The following ABTB2 variants were observed in gnomAD, a reference collection of about 807,000 sequenced individuals.
The protein encoded by ABTB2 is ankyrin repeat and BTB/POZ domain-containing protein 2.
A neutral mutation model predicts 104.1 loss-of-function variants in ABTB2; 56 were observed. The ratio of observed to expected loss-of-function variants is 0.54; its 90% CI spans 0.43 to 0.67. The LOEUF (loss-of-function observed/expected upper bound fraction) is 0.67, where lower values mean the gene tolerates loss of function less well. Ranked by LOEUF, ABTB2 falls within the 30% of genes least tolerant of loss-of-function variation. The pLI is 0.00. For synonymous variants in ABTB2, 606 were observed against 608.2 expected, an observed-to-expected ratio of 1.00 and a Z score of 0.05; for missense variants, 1,279 against 1,407.7, an observed-to-expected ratio of 0.91 and a Z score of 1.46.
intron 3 of ABTB2, among the ~76,000 whole-genome samples, chr11:34,177,819 C>T (rs1462799180): frequency 2.6e-5 from 4 of 152,100 alleles, no homozygotes; most frequent in Non-Finnish European, 4.4e-5. Context: ...CTGCCAACCT[C>T]GGCCCCCAAA....
intron 1 of ABTB2, among the ~76,000 whole-genome samples, chr11:34,300,662 G>A (rs1854692971): frequency 1.3e-5 from 2 of 151,950 alleles, no homozygotes. Context: ...CATAATCAGA[G>A]CTCATACATC....
At chr11:34,155,571 T>C (rs1010180406) in intron 14 of ABTB2, among the ~76,000 whole-genome samples, 1 of 152,244 alleles carries the variant, frequency 6.6e-6, no homozygotes, top group Non-Finnish European at 1.5e-5. Context: ...AGCTGGCAAG[T>C]GTGTAAGTAA....
intron 1 of ABTB2, among the ~76,000 whole-genome samples, chr11:34,224,695 G>A (rs994867875): frequency 6.6e-6 from 1 of 152,162 alleles, no homozygotes; most frequent in African/African-American, 2.4e-5. Context: ...CTCAAAGACT[G>A]AGGGCGAACA....
intron 1 of ABTB2, among the ~76,000 whole-genome samples, chr11:34,244,461 G>T (rs947442684): frequency 2.6e-5 from 4 of 152,156 alleles, no homozygotes; most frequent in Non-Finnish European, 1.5e-5. Context: ...ACAAAATGCA[G>T]GACAATAAAA....
Position 34,232,484 on chromosome 11 carries a change from A to G in ABTB2, c.884-27794T>C, listed in dbSNP as rs527615676. Among the ~76,000 whole-genome samples the G allele has an allele frequency of 1.4e-4, 21 of 151,124 alleles. No individual in the cohort carries two copies. The South Asian group carries it at 4.4e-3, about 32-fold the overall frequency. ...AAAAAAAATTGTTCTTAAATGAGACATTTAAATCCTAGAGAAAAGGAATAT... is the reference window on the plus strand; with the variant it reads ...AAAAAAAATTGTTCTTAAATGAGACGTTTAAATCCTAGAGAAAAGGAATAT... On this transcript the variant is annotated intron_variant, in intron 1 of 16. Transcript: ENST00000435224.
At chr11:34,316,670 G>A (rs1035989633) in intron 1 of ABTB2, among the ~76,000 whole-genome samples, 1 of 152,120 alleles carries the variant, frequency 6.6e-6, no homozygotes, top group Non-Finnish European at 1.5e-5. Context: ...GATAATCCAT[G>A]AGCCCCAGAA....
At chr11:34,338,962 T>C (rs1855228946) in intron 1 of ABTB2, among the ~76,000 whole-genome samples, 1 of 152,124 alleles carries the variant, frequency 6.6e-6, no homozygotes. Context: ...TCAGCAACAG[T>C]ATCTACCTCT....
chr11:34,214,064 C>CAGT (rs1025086533), intron 1 of ABTB2, among the ~76,000 whole-genome samples: 4 of 151,556 alleles, frequency 2.6e-5, no homozygotes, highest in African/African-American at 9.7e-5. Flanking sequence ...CCTTGACCCG[C>CAGT]AGTGGGTGAG....
chr11:34,310,143 G>A (rs1854832238), intron 1 of ABTB2, among the ~76,000 whole-genome samples: 1 of 152,168 alleles, frequency 6.6e-6, no homozygotes, highest in Non-Finnish European at 1.5e-5. Context: ...GGAGCTCAGG[G>A]AGGAAAGCAC....
At chr11:34,232,902 G>A (rs1365033228) in intron 1 of ABTB2, among the ~76,000 whole-genome samples, 1 of 152,076 alleles carries the variant, frequency 6.6e-6, no homozygotes, top group Non-Finnish European at 1.5e-5. Context: ...CAGGGCTGCA[G>A]TGAGCCATAA....
chr11:34,168,378 G>A (rs1852830705), intron 5 of ABTB2, among the ~76,000 whole-genome samples: 1 of 152,232 alleles, frequency 6.6e-6, no homozygotes, highest in Non-Finnish European at 1.5e-5. Context: ...GTAGAGTGTG[G>A]ATTAATATGT....
chr11:34,224,797 A>G (rs1853666909), intron 1 of ABTB2, among the ~76,000 whole-genome samples: 2 of 152,150 alleles, frequency 1.3e-5, no homozygotes, highest in South Asian at 4.1e-4. Context: ...TCTAATCACC[A>G]CTGAACTCTG....
At chr11:34,321,800 C>A (rs907032155) in intron 1 of ABTB2, among the ~76,000 whole-genome samples, 5 of 152,192 alleles carry the variant, frequency 3.3e-5, no homozygotes, top group Non-Finnish European at 5.9e-5. Context: ...GAAAAGAAAC[C>A]CTTCCAGAGA....
intron 1 of ABTB2, among the ~76,000 whole-genome samples, chr11:34,274,250 C>T (rs1168810573): frequency 1.3e-5 from 2 of 150,942 alleles, no homozygotes; most frequent in Non-Finnish European, 2.9e-5. Flanking sequence ...GAAGTGCACT[C>T]GAGTCTTAGA....
intron 7 of ABTB2, among the ~76,000 whole-genome samples, chr11:34,166,243 C>T (rs1852798824): frequency 6.6e-6 from 1 of 152,252 alleles, no homozygotes; most frequent in South Asian, 2.1e-4. Context: ...GAGTGGAGTT[C>T]AGGCTGACCT....
At chr11:34,230,418 G>A (rs1489977019) in intron 1 of ABTB2, among the ~76,000 whole-genome samples, 2 of 152,142 alleles carry the variant, frequency 1.3e-5, no homozygotes, top group Non-Finnish European at 2.9e-5. Flanking sequence ...AGTAAGACGG[G>A]GCCAACAATA....
intron 1 of ABTB2, among the ~76,000 whole-genome samples, chr11:34,310,444 C>T (rs1854837210): frequency 1.3e-5 from 2 of 152,134 alleles, no homozygotes; most frequent in Admixed American, 6.5e-5. Flanking sequence ...TACCGCCACC[C>T]TCACGTCCCC....
chr11:34,205,325 T>G (rs1159827729), intron 1 of ABTB2, among the ~76,000 whole-genome samples: 1 of 152,200 alleles, frequency 6.6e-6, no homozygotes. Flanking sequence ...CAAGTCCAAT[T>G]AATGTTTTTC....
intron 1 of ABTB2, among the ~76,000 whole-genome samples, chr11:34,208,444 A>G (rs540573571): frequency 6.6e-6 from 1 of 152,304 alleles, no homozygotes; most frequent in Non-Finnish European, 1.5e-5. Flanking sequence ...CCCTGTACCC[A>G]TGACTGTGAG....
Sources: gnomAD v4.1 joint callset for allele counts (sites outside exome capture counted in the v4.1 genomes callset) on GRCh38, gnomAD v4.1.1 for gene constraint, MANE v1.5 for transcripts, NCBI Gene and HGNC (gene_info 2026-07-23, HGNC 2026-07-21) for gene names.